The following ZBTB20 variants were observed in gnomAD, a reference collection of about 807,000 sequenced individuals.
The protein encoded by ZBTB20 is zinc finger and BTB domain-containing protein 20.
Under a neutral mutation model 56.9 loss-of-function variants are expected in ZBTB20, and 9 were observed. The ratio of observed to expected loss-of-function variants is 0.16; its 90% CI spans 0.10 to 0.28. The LOEUF is 0.28. Ranked by LOEUF, ZBTB20 falls within the 10% of genes least tolerant of loss-of-function variation. The pLI is 1.00. For synonymous variants in ZBTB20, 417 were observed against 420.7 expected (o/e 0.99, Z 0.11); for missense variants, 655 against 1,003.0 (o/e 0.65, Z 4.69).
Position 114,330,222 on chromosome 3 carries a change from A to C in ZBTB20, c.*8783T>G, listed in dbSNP as rs2108038964. 6.6e-6 allele frequency: 1 copy of C among 152,354 alleles called. No individual in the cohort carries two copies. Among genetic ancestry groups the C allele is most frequent in the Admixed American group, 6.5e-5 (1 of 15,310 alleles). 9.4% of individuals were successfully genotyped at this position (152,354 alleles called of 1,614,324 possible). A position where few individuals can be genotyped will look rare whatever the true frequency, so the allele number is the denominator to read the frequency against. On this transcript the variant is annotated 3_prime_UTR_variant, in exon 12 of 12. Coordinates refer to ENST00000675478, the MANE Select transcript of ZBTB20 (RefSeq NM_001348800.3). ...CTAAAATCCTCTAAAGACAATACTG[A>C]AGCTGATAATATAAAAAGCAAATTA...
At chr3:114,798,692 C>T (rs1256952257) in intron 5 of ZBTB20, among the ~76,000 whole-genome samples, 1 of 151,876 alleles carries the variant, frequency 6.6e-6, no homozygotes, top group Non-Finnish European at 1.5e-5. Flanking sequence ...ACATCCTTTC[C>T]CACTATAATG....
chr3:114,482,436 G>A (rs1245427979), intron 7 of ZBTB20, among the ~76,000 whole-genome samples: 1 of 152,142 alleles, frequency 6.6e-6, no homozygotes, highest in Non-Finnish European at 1.5e-5. Flanking sequence ...GGCCAAATCT[G>A]AGTTACCTCA....
At chr3:114,460,283 T>A (rs1407498678) in intron 7 of ZBTB20, among the ~76,000 whole-genome samples, 2 of 152,132 alleles carry the variant, frequency 1.3e-5, no homozygotes, top group African/African-American at 4.8e-5. Flanking sequence ...TATAGTAGGC[T>A]GAGGAATGGC....
chr3:114,833,167 A>G (rs1200978032), intron 4 of ZBTB20, among the ~76,000 whole-genome samples: 1 of 152,170 alleles, frequency 6.6e-6, no homozygotes, highest in East Asian at 1.9e-4. Context: ...ATAAGAAAAT[A>G]GTCTGGTTCA....
In ZBTB20 at chr3:115,030,988, G is replaced by A. The variant is rs142380129; in HGVS notation, c.-507+40231C>T. Among the ~76,000 whole-genome samples, 650 of 151,424 alleles carry A rather than the reference G, an allele frequency of 4.3e-3. 6 individuals are homozygous for A. Among genetic ancestry groups the A allele is most frequent in the African/African-American group, 0.015 (608 of 41,454 alleles). On this transcript the variant is annotated intron_variant, in intron 2 of 11. Coordinates refer to ENST00000675478, the MANE Select transcript of ZBTB20 (RefSeq NM_001348800.3). ...TCAATATGCACAAATTTTCTATACA[G>A]CTTTAAGTAATTTTCTGTTTTTATT...
At chr3:114,575,205 A>T (rs2107405062) in intron 6 of ZBTB20, among the ~76,000 whole-genome samples, 1 of 152,322 alleles carries the variant, frequency 6.6e-6, no homozygotes, top group South Asian at 2.1e-4. Flanking sequence ...AAATAGAAAC[A>T]GCTAGGAAGG....
intron 3 of ZBTB20, among the ~76,000 whole-genome samples, chr3:114,902,002 A>G (rs1280293111): frequency 6.6e-6 from 1 of 152,192 alleles, no homozygotes; most frequent in Admixed American, 6.6e-5. Flanking sequence ...AAAGTTATAA[A>G]ATGCTATATT....
intron 3 of ZBTB20, among the ~76,000 whole-genome samples, chr3:114,951,882 G>T (rs1271265514): frequency 6.6e-6 from 1 of 151,772 alleles, no homozygotes; most frequent in East Asian, 1.9e-4. Context: ...TAAAAATGCT[G>T]AAACAAGCAA....
intron 3 of ZBTB20, among the ~76,000 whole-genome samples, chr3:114,910,162 T>C (rs546903227): frequency 7.1e-4 from 108 of 152,066 alleles, no homozygotes; most frequent in Non-Finnish European, 1.0e-3. Flanking sequence ...GTTCAAGTTA[T>C]TTTACAAGTG....
intron 3 of ZBTB20, among the ~76,000 whole-genome samples, chr3:114,918,553 G>C (rs114885101): frequency 0.023 from 3,561 of 152,216 alleles, 144 homozygotes; most frequent in African/African-American, 0.082. Context: ...GATTAGGAAA[G>C]GCCCAAAGGC....
At chr3:114,870,469 T>A (rs928082787) in intron 4 of ZBTB20, among the ~76,000 whole-genome samples, 2 of 150,762 alleles carry the variant, frequency 1.3e-5, no homozygotes, top group Admixed American at 1.3e-4. Context: ...GGGTTATACT[T>A]AATACGAAGA....
intron 2 of ZBTB20, among the ~76,000 whole-genome samples, chr3:114,978,101 G>A (rs1395550265): frequency 2.0e-5 from 3 of 150,626 alleles, no homozygotes; most frequent in African/African-American, 7.3e-5. Flanking sequence ...TTTTTAAAGT[G>A]TATAATGTTC....
chr3:114,593,384 CTT>C (rs201568736), intron 6 of ZBTB20, among the ~76,000 whole-genome samples: 11 of 133,464 alleles, frequency 8.2e-5, no homozygotes, highest in East Asian at 2.1e-4. Context: ...TTTTTCTTTT[CTT>C]TTTTTTTTTT....
chr3:114,950,579 A>C (rs942527301), intron 3 of ZBTB20, among the ~76,000 whole-genome samples: 1 of 152,196 alleles, frequency 6.6e-6, no homozygotes, highest in Non-Finnish European at 1.5e-5. Context: ...GCTACTGATC[A>C]TGTAAATTGG....
At chr3:114,850,931 T>TA (rs1029726197) in intron 4 of ZBTB20, among the ~76,000 whole-genome samples, 2 of 151,886 alleles carry the variant, frequency 1.3e-5, no homozygotes, top group Admixed American at 6.6e-5. Context: ...GTTGAGGGAT[T>TA]AAAAAAAATA....
intron 4 of ZBTB20, among the ~76,000 whole-genome samples, chr3:114,863,500 T>G (rs757226944): frequency 6.6e-6 from 1 of 152,042 alleles, no homozygotes; most frequent in Non-Finnish European, 1.5e-5. Flanking sequence ...ATTAATAAAG[T>G]CTTTGGTAAG....
At chr3:114,532,392 C>A (rs1314599266) in intron 6 of ZBTB20, among the ~76,000 whole-genome samples, 1 of 152,174 alleles carries the variant, frequency 6.6e-6, no homozygotes, top group South Asian at 2.1e-4. Context: ...CTGGGTGGAG[C>A]CCACCACAGT....
intron 5 of ZBTB20, among the ~76,000 whole-genome samples, chr3:114,794,289 T>C (rs1206735074): frequency 6.6e-6 from 1 of 152,086 alleles, no homozygotes; most frequent in Admixed American, 6.6e-5. Flanking sequence ...GTTCAGATTT[T>C]TTATTAATTA....
intron 10 of ZBTB20, among the ~76,000 whole-genome samples, chr3:114,367,745 T>C (rs1012296702): frequency 5.3e-5 from 8 of 151,914 alleles, no homozygotes; most frequent in African/African-American, 1.9e-4. Flanking sequence ...TGTTTTGTAA[T>C]AAGATTATGC....
Sources: allele counts gnomAD v4.1 joint callset (sites outside exome capture counted in the v4.1 genomes callset), GRCh38; gene constraint gnomAD v4.1.1; transcripts MANE v1.5; gene names NCBI Gene and HGNC (gene_info 2026-07-23, HGNC 2026-07-21).